The following GRM7 variants were observed in gnomAD, a reference collection of about 807,000 sequenced individuals.
GRM7 encodes the protein glutamate metabotropic receptor 7.
In GRM7, 35 loss-of-function variants were observed where a neutral mutation model predicts 84.5. The ratio of observed to expected loss-of-function variants is 0.41; its 90% CI spans 0.32 to 0.55. The LOEUF (loss-of-function observed/expected upper bound fraction) is 0.55. Ranked by LOEUF, GRM7 falls within the 20% of genes least tolerant of loss-of-function variation. The pLI is 0.19. For synonymous variants in GRM7, 487 were observed against 455.1 expected, an observed-to-expected ratio of 1.07 and a Z score of -0.89; for missense variants, 1,003 against 1,194.6, an observed-to-expected ratio of 0.84 and a Z score of 2.36.
intron 7 of GRM7, among the ~76,000 whole-genome samples, chr3:7,497,716 A>G (rs185028977): frequency 6.6e-6 from 1 of 152,320 alleles, no homozygotes; most frequent in Admixed American, 6.5e-5. Flanking sequence ...CTAAGAAAAG[A>G]GCATAAATTT....
At chr3:7,403,618 T>G (rs1318377182) in intron 4 of GRM7, among the ~76,000 whole-genome samples, 2 of 94,252 alleles carry the variant, frequency 2.1e-5, no homozygotes, top group East Asian at 7.1e-4. Flanking sequence ...ATCTGAGTAA[T>G]TCTGATATAT....
At chr3:7,687,099 TCA>T (rs1700617429) in intron 9 of GRM7, among the ~76,000 whole-genome samples, 3 of 1,264 alleles carry the variant, frequency 2.4e-3, no homozygotes, top group Admixed American at 0.019. Flanking sequence ...ACTTTAGTCA[TCA>T]AGTCATCACA....
At chr3:7,019,311 C>A (rs940702287) in intron 1 of GRM7, among the ~76,000 whole-genome samples, 2 of 152,052 alleles carry the variant, frequency 1.3e-5, no homozygotes, top group African/African-American at 2.4e-5. Context: ...CACCCAAAGT[C>A]AATACTTTAC....
intron 2 of GRM7, among the ~76,000 whole-genome samples, chr3:7,197,927 G>A (rs1409168572): frequency 6.6e-6 from 1 of 152,082 alleles, no homozygotes; most frequent in Non-Finnish European, 1.5e-5. Context: ...TGAAAATATG[G>A]TGGAAGTTAA....
intron 7 of GRM7, among the ~76,000 whole-genome samples, chr3:7,528,772 A>C (rs1700910440): frequency 6.6e-6 from 1 of 151,500 alleles, no homozygotes; most frequent in Admixed American, 6.6e-5. Context: ...TTTGTTGTTT[A>C]CTCAAAATTT....
intron 1 of GRM7, among the ~76,000 whole-genome samples, chr3:6,918,391 G>A (rs548640669): frequency 6.6e-6 from 1 of 152,128 alleles, no homozygotes; most frequent in South Asian, 2.1e-4. Flanking sequence ...GTCTGGTGAG[G>A]TATTTAGGTT....
intron 7 of GRM7, among the ~76,000 whole-genome samples, chr3:7,551,252 T>C (rs1303156676): frequency 6.6e-6 from 1 of 152,184 alleles, no homozygotes; most frequent in African/African-American, 2.4e-5. Flanking sequence ...ACATTAAAAA[T>C]TGAAGAGTTT....
chr3:7,719,716 A>C (rs909593697), intron 9 of GRM7, among the ~76,000 whole-genome samples: 1 of 151,404 alleles, frequency 6.6e-6, no homozygotes, highest in African/African-American at 2.4e-5. Context: ...GGAGGCTGAG[A>C]CAGGAGAATG....
intron 2 of GRM7, among the ~76,000 whole-genome samples, chr3:7,293,053 T>C (rs1172960994): frequency 6.9e-6 from 1 of 144,024 alleles, no homozygotes; most frequent in African/African-American, 2.7e-5. Context: ...AAAAAAAAAT[T>C]GAGCTTTTCT....
chr3:6,943,544 T>C (rs1697961299), intron 1 of GRM7, among the ~76,000 whole-genome samples: 1 of 152,062 alleles, frequency 6.6e-6, no homozygotes, highest in South Asian at 2.1e-4. Context: ...TCTGCTTCAT[T>C]TGTATATCTG....
intron 5 of GRM7, among the ~76,000 whole-genome samples, chr3:7,436,374 C>G (rs1697057555): frequency 6.6e-6 from 1 of 152,116 alleles, no homozygotes; most frequent in Admixed American, 6.6e-5. Flanking sequence ...GGGTCACATA[C>G]AGTCTTTGTC....
At position 7,486,087 on chromosome 3, in the gene GRM7, C is replaced by T. The variant is rs1013894707; in HGVS notation, c.1515+24365C>T. Among the ~76,000 whole-genome samples, 1 of 152,066 alleles carries T rather than the reference C, an allele frequency of 6.6e-6. No individual in the cohort carries two copies. The highest frequency in any genetic ancestry group is 1.5e-5 in the Non-Finnish European group (1 of 68,012). Reference sequence around the variant, plus strand: ...TAAACTTTAAAGTTCTTCAAAGAGTCAAAGGATGAGATAAAATATGGATTT... The same window carrying T: ...TAAACTTTAAAGTTCTTCAAAGAGTTAAAGGATGAGATAAAATATGGATTT... On this transcript the variant is annotated intron_variant, in intron 7 of 9. Coordinates refer to ENST00000357716, the MANE Select transcript of GRM7 (RefSeq NM_000844.4). The surrounding 1 kb of genome is among the most constrained non-coding windows in gnomAD (Gnocchi z 5.5).
intron 8 of GRM7, among the ~76,000 whole-genome samples, chr3:7,645,590 A>G (rs1226631812): frequency 1.3e-5 from 2 of 150,532 alleles, no homozygotes; most frequent in Non-Finnish European, 3.0e-5. Context: ...AAAAGCCTAC[A>G]TTCCCTATCT....
rs142254608 is a variant in GRM7, at chr3:7,330,665, G to A, written c.1033+24013G>A. ...TGGCTGTCATTATCTCCTGCCTGCC[G>A]CCATGTAAGACATGCATTTCACCTT... On this transcript the variant is annotated intron_variant, in intron 4 of 9. Coordinates refer to ENST00000357716, the MANE Select transcript of GRM7 (RefSeq NM_000844.4). 1.8e-3 allele frequency among the ~76,000 whole-genome samples: 281 copies of A among 152,236 alleles called. 1 individual carries two copies. The highest frequency in any genetic ancestry group is 3.4e-3 in the Middle Eastern group (1 of 294).
intron 2 of GRM7, among the ~76,000 whole-genome samples, chr3:7,222,389 T>G (rs181672060): frequency 7.9e-5 from 12 of 151,976 alleles, no homozygotes; most frequent in Non-Finnish European, 1.2e-4. Flanking sequence ...TGAGATTGGA[T>G]AGAGGGTTCC....
chr3:7,470,616 G>A (rs367630164), intron 7 of GRM7, among the ~76,000 whole-genome samples: 3 of 152,188 alleles, frequency 2.0e-5, no homozygotes, highest in Non-Finnish European at 4.4e-5. Context: ...TGCATTCTGG[G>A]CATTCAAGCA....
chr3:6,882,550 A>C (rs1017572473), intron 1 of GRM7, among the ~76,000 whole-genome samples: 41 of 152,240 alleles, frequency 2.7e-4, no homozygotes, highest in East Asian at 9.7e-4. Flanking sequence ...TGTTTCCCAA[A>C]AAAAAAATAA....
intron 4 of GRM7, among the ~76,000 whole-genome samples, chr3:7,350,038 T>C (rs181910503): frequency 6.6e-6 from 1 of 152,246 alleles, no homozygotes; most frequent in East Asian, 1.9e-4. Flanking sequence ...CAGGCCTCAC[T>C]TGATCCGTGT....
chr3:7,102,897 C>T (rs556171712), intron 1 of GRM7, among the ~76,000 whole-genome samples: 4 of 151,630 alleles, frequency 2.6e-5, no homozygotes, highest in Admixed American at 2.6e-4. Flanking sequence ...ATTTTTGTTC[C>T]ATTCTTTTTT....
Sources: allele counts gnomAD v4.1 joint callset (sites outside exome capture counted in the v4.1 genomes callset), GRCh38; gene constraint gnomAD v4.1.1; non-coding constraint Gnocchi (gnomAD v3.1); transcripts MANE v1.5; gene names NCBI Gene and HGNC (gene_info 2026-07-23, HGNC 2026-07-21).